Variants in EMX1 observed in about 807,000 individuals in gnomAD.
The protein encoded by EMX1 is empty spiracles homeobox 1, also known as homeobox protein EMX1.
EMX1 carries 10 observed loss-of-function variants against 20.1 expected under a neutral mutation model. The ratio of observed to expected loss-of-function variants is 0.50; its 90% CI spans 0.31 to 0.84. The LOEUF is 0.84. Ranked by LOEUF, EMX1 falls within the 40% of genes least tolerant of loss-of-function variation. The pLI is 0.05. For missense variants in EMX1, 424 were observed against 431.9 expected (o/e 0.98, Z 0.16); for synonymous variants, 250 against 200.4 (o/e 1.25, Z -2.09).
At position 72,929,457 on chromosome 2, in the gene EMX1, T is replaced by C. The variant is rs535686301; in HGVS notation, c.706-4330T>C. ...GGTGAAGGTTGAACTTAGCATGGCA[T>C]TGATTGGGCTTGACCTTGAGAGTGG... On this transcript the variant is annotated intron_variant, in intron 2 of 2. Coordinates refer to ENST00000258106, the MANE Select transcript of EMX1 (RefSeq NM_004097.3). 3.3e-5 allele frequency among the ~76,000 whole-genome samples: 5 copies of C among 152,264 alleles called. No homozygotes were observed. In the East Asian group the frequency reaches 9.7e-4, roughly 29 times the overall value.
chr2:72,934,535 C>T lies in EMX1; in HGVS notation c.*581C>T, dbSNP rs1163471934. ...GGACCCTGGTCTCTACCTCCAGCTC[C>T]ACAGCAGGAGAAACAGGCTAGACAT... On this transcript the variant is annotated 3_prime_UTR_variant, in exon 3 of 3. Transcript: ENST00000258106. 1 of 152,826 alleles carries T rather than the reference C, an allele frequency of 6.5e-6. No homozygotes were observed. Among genetic ancestry groups the T allele is most frequent in the African/African-American group, 2.4e-5 (1 of 41,418 alleles). 9.5% of individuals were successfully genotyped at this position (152,826 alleles called of 1,614,324 possible). A position where few individuals can be genotyped will look rare whatever the true frequency, so the allele number is the denominator to read the frequency against.
chr2:72,916,768 C>T (rs1246665626), upstream of EMX1: 2 of 717,244 alleles, frequency 2.8e-6, no homozygotes, highest in African/African-American at 1.7e-5. Flanking sequence ...GACACTTGAG[C>T]CCCCAGAGCC....
intron 2 of EMX1, chr2:72,926,090 AT>A (rs1671196116): frequency 1.0e-6 from 1 of 982,946 alleles, no homozygotes; most frequent in African/African-American, 1.7e-5. Flanking sequence ...TTAAACAGTA[AT>A]ATTTATTAAA....
In EMX1 at chr2:72,917,810, C is replaced by T; in HGVS notation, c.-43C>T. 1 of 1,275,410 alleles carries T rather than the reference C, an allele frequency of 7.8e-7. No homozygotes were observed. Among genetic ancestry groups the T allele is most frequent in the Non-Finnish European group, 9.9e-7 (1 of 1,014,244 alleles). 79.0% of individuals were successfully genotyped at this position (1,275,410 alleles called of 1,614,324 possible). On this transcript the variant is annotated 5_prime_UTR_variant, in exon 1 of 3. Transcript: ENST00000258106. ...CTGGCTCGCCCGCGGGGGCCGAGCGCGAGCGGGCGGGCGGGGGAGGTGAGG... is the reference window on the plus strand; with the variant it reads ...CTGGCTCGCCCGCGGGGGCCGAGCGTGAGCGGGCGGGCGGGGGAGGTGAGG...
rs935914871 is a variant in EMX1 at position 72,918,516 on chromosome 2, G to A, written c.520+144G>A. 33 of 1,203,162 alleles carry A rather than the reference G, an allele frequency of 2.7e-5. No homozygotes were observed. In the African/African-American group the frequency reaches 4.0e-4, roughly 15 times the overall value. 74.5% of individuals were successfully genotyped at this position (1,203,162 alleles called of 1,614,324 possible). A position where few individuals can be genotyped will look rare whatever the true frequency, so the allele number is the denominator to read the frequency against. ...CCGCGGAGGTAGATTCCCAGGCAGG[G>A]AAGAGCTGTGCGGCATCCACCCGCG... On this transcript the variant is annotated intron_variant, in intron 1 of 2. Transcript: ENST00000258106.
chr2:72,918,010 G>A lies in EMX1; in HGVS notation c.158G>A (p.Gly53Asp). Residue 53 changes from glycine (G) to aspartate (D), a missense_variant, in exon 1 of 3, where the codon GGC becomes GAC. By Grantham distance (94) the Gly-to-Asp change is moderately conservative. Around this residue, in one of 2 missense-constraint regions of EMX1, gnomAD observed 333 missense variants for 296.6 expected, o/e 1.12. Coordinates refer to ENST00000258106, the MANE Select transcript of EMX1 (RefSeq NM_004097.3). ...ATAGAGTCCTTGGTGGCCAAGGACGGCGGCACCGGCGGGGGCACTGGCGGC... is the reference window on the plus strand; with the variant it reads ...ATAGAGTCCTTGGTGGCCAAGGACGACGGCACCGGCGGGGGCACTGGCGGC... ...FTIESLVAKDGGTGGGTGGGG... is the reference protein window; with the variant it reads ...FTIESLVAKDDGTGGGTGGGG... 5 of 1,440,048 alleles carry A rather than the reference G, an allele frequency of 3.5e-6. No homozygotes were observed. Among genetic ancestry groups the A allele is most frequent in the Non-Finnish European group, 4.5e-6 (5 of 1,104,136 alleles). 89.2% of individuals were successfully genotyped at this position (1,440,048 alleles called of 1,614,324 possible).
At position 72,918,834 on chromosome 2, in the gene EMX1, G is replaced by T. The variant is rs957234894; in HGVS notation, c.520+462G>T. 3.9e-5 allele frequency among the ~76,000 whole-genome samples: 6 copies of T among 152,286 alleles called. No individual in the cohort carries two copies. In the East Asian group the frequency reaches 1.2e-3, roughly 29 times the overall value. On this transcript the variant is annotated intron_variant, in intron 1 of 2. Transcript: ENST00000258106. The stretch of plus-strand genomic sequence containing the variant: ...TCCGGGCGGGGGAAAGTCCATTCGC[G>T]TGCCCCAGCTCTGGGGGAAGCAAGG...
intron 2 of EMX1, chr2:72,925,298 T>G (rs980790141): frequency 5.3e-5 from 54 of 1,020,568 alleles, no homozygotes; most frequent in Non-Finnish European, 5.7e-5. Flanking sequence ...GTAGTGTTTT[T>G]GTAACTGATC....
upstream of EMX1, chr2:72,916,388 G>C: frequency 2.2e-6 from 1 of 455,802 alleles, no homozygotes; most frequent in Non-Finnish European, 3.9e-6. Context: ...ACTCTCTGCG[G>C]CTCCCTCTCC....
At chr2:72,926,144 C>T (rs1172804216) in intron 2 of EMX1, 1 of 985,154 alleles carries the variant, frequency 1.0e-6, no homozygotes, top group Non-Finnish European at 1.2e-6. Context: ...GGTTTTTAAT[C>T]CTACCACCCA....
intron 2 of EMX1, among the ~76,000 whole-genome samples, chr2:72,932,035 C>G (rs983092064): frequency 6.6e-6 from 1 of 152,244 alleles, no homozygotes; most frequent in Non-Finnish European, 1.5e-5. Flanking sequence ...GCATGCACTG[C>G]TTGGCCTTGT....
At chr2:72,919,191 AC>A (rs1454588384) in intron 1 of EMX1, among the ~76,000 whole-genome samples, 1 of 151,136 alleles carries the variant, frequency 6.6e-6, no homozygotes, top group Non-Finnish European at 1.5e-5. Flanking sequence ...ACACACACAC[AC>A]ACACACACAC....
chr2:72,921,964 C>G (rs1220584558), intron 1 of EMX1, among the ~76,000 whole-genome samples: 1 of 152,216 alleles, frequency 6.6e-6, no homozygotes, highest in Non-Finnish European at 1.5e-5. Flanking sequence ...CACATAATTA[C>G]AAAATAATCA....
intron 1 of EMX1, 54 bp downstream of exon 1, chr2:72,918,426 C>A (rs1379846249): frequency 7.4e-7 from 1 of 1,349,984 alleles, no homozygotes; most frequent in East Asian, 3.1e-5. Context: ...CGTGCTGCGG[C>A]GATGCGGGGG....
chr2:72,923,988 A>G, intron 1 of EMX1: 1 of 495,638 alleles, frequency 2.0e-6, no homozygotes, highest in Non-Finnish European at 3.7e-6. Flanking sequence ...CCGCTGCCCC[A>G]GGCATTGTGA....
intron 1 of EMX1, 113 bp from the exon 2 acceptor site, chr2:72,924,196 G>A (rs1275150814): frequency 7.5e-7 from 1 of 1,333,558 alleles, no homozygotes; most frequent in East Asian, 2.5e-5. Flanking sequence ...GGAATGGAGA[G>A]GGCAGGGCGC....
rs1030176420 is a variant in EMX1 at position 72,917,838 on chromosome 2, T to G, written c.-15T>G. On this transcript the variant is annotated 5_prime_UTR_variant, in exon 1 of 3. Coordinates refer to ENST00000258106, the MANE Select transcript of EMX1 (RefSeq NM_004097.3). The stretch of plus-strand genomic sequence containing the variant: ...GCGGGCGGGCGGGGGAGGTGAGGGG[T>G]GCGGGCGGGTGTGCATGTGCCTGGC... The G allele has an allele frequency of 3.6e-6, 5 of 1,371,022 alleles. No individual in the cohort carries two copies. The highest frequency in any genetic ancestry group is 3.8e-6 in the Non-Finnish European group (4 of 1,065,288). 84.9% of individuals were successfully genotyped at this position (1,371,022 alleles called of 1,614,324 possible).
At chr2:72,918,815 C>A (rs1484675134) in intron 1 of EMX1, among the ~76,000 whole-genome samples, 1 of 152,170 alleles carries the variant, frequency 6.6e-6, no homozygotes, top group Non-Finnish European at 1.5e-5. Flanking sequence ...CGCGTCCGGG[C>A]GGGGGAAAGT....
At chr2:72,933,213 C>A (rs1671312893) in intron 2 of EMX1, 2 of 152,442 alleles carry the variant, frequency 1.3e-5, no homozygotes, top group Non-Finnish European at 2.9e-5. Flanking sequence ...TCTGGCTGTC[C>A]AGGCACTGCT....
Sources: gnomAD v4.1 joint callset for allele counts (sites outside exome capture counted in the v4.1 genomes callset) on GRCh38, gnomAD v4.1.1 for gene constraint, gnomAD v4.1.1 regional missense constraint, MANE v1.5 for transcripts, NCBI Gene and HGNC (gene_info 2026-07-23, HGNC 2026-07-21) for gene names.